Variants in GMPS observed in about 807,000 individuals in gnomAD.
GMPS encodes the protein guanosine monophosphate synthase, also known as GMP synthase [glutamine-hydrolyzing].
A neutral mutation model predicts 77.9 loss-of-function variants in GMPS; 15 were observed. That is an observed-to-expected ratio of 0.19 (90% CI 0.13 to 0.30). GMPS has a LOEUF of 0.30. Ranked by LOEUF, GMPS falls within the 10% of genes least tolerant of loss-of-function variation. The pLI is 1.00. For synonymous variants in GMPS, 224 were observed against 275.9 expected, an observed-to-expected ratio of 0.81 and a Z score of 1.86; for missense variants, 590 against 838.8, an observed-to-expected ratio of 0.70 and a Z score of 3.66.
chr3:155,889,341 G>C (rs1021392438), intron 1 of GMPS, among the ~76,000 whole-genome samples: 2 of 152,112 alleles, frequency 1.3e-5, no homozygotes, highest in Non-Finnish European at 2.9e-5. Context: ...TTAGTGTCAA[G>C]GGTTCATGGG....
At chr3:155,904,037 A>G in intron 4 of GMPS, 77 bp downstream of exon 4, 1 of 632,594 alleles carries the variant, frequency 1.6e-6, no homozygotes. Context: ...TAACAATTGG[A>G]GATTCTATAA....
chr3:155,924,462 T>C (rs554994348), intron 11 of GMPS, among the ~76,000 whole-genome samples: 1 of 152,312 alleles, frequency 6.6e-6, no homozygotes, highest in Non-Finnish European at 1.5e-5. Flanking sequence ...AAGATGTCTG[T>C]GTTATTTGCC....
chr3:155,870,960 C>G lies in GMPS; in HGVS notation c.27+63C>G. ...GAGGCGAGGCTCCCGGACCGGGGAG[C>G]CACCCCGCGAGGCCCTTCCCCACCC... On this transcript the variant is annotated intron_variant, in intron 1 of 15. Coordinates refer to ENST00000496455, the MANE Select transcript of GMPS (RefSeq NM_003875.3). The G allele has an allele frequency of 3.6e-6, 5 of 1,380,236 alleles. No homozygotes were observed. In the South Asian group the frequency reaches 6.3e-5, roughly 18 times the overall value. 85.5% of individuals were successfully genotyped at this position (1,380,236 alleles called of 1,614,324 possible).
At chr3:155,901,893 GACTTGTCTCTTC>G (rs1754746041) in intron 3 of GMPS, among the ~76,000 whole-genome samples, 2 of 152,170 alleles carry the variant, frequency 1.3e-5, no homozygotes, top group Middle Eastern at 3.4e-3. Flanking sequence ...TCTGGATTGT[GACTTGTCTCTTC>G]ACTCTTTATG....
At chr3:155,895,999 T>C (rs1179839652) in intron 2 of GMPS, among the ~76,000 whole-genome samples, 3 of 151,760 alleles carry the variant, frequency 2.0e-5, no homozygotes, top group African/African-American at 7.3e-5. Context: ...CTTCTGTTTT[T>C]TTTGTTTTTG....
chr3:155,899,002 G>C (rs181491515), intron 3 of GMPS, among the ~76,000 whole-genome samples: 1 of 152,074 alleles, frequency 6.6e-6, no homozygotes, highest in Non-Finnish European at 1.5e-5. Flanking sequence ...AGGCCGAGGC[G>C]GGTGGATCAC....
chr3:155,904,193 A>G (rs1170189246), intron 4 of GMPS, among the ~76,000 whole-genome samples: 1 of 152,204 alleles, frequency 6.6e-6, no homozygotes, highest in Non-Finnish European at 1.5e-5. Flanking sequence ...ACGCCTGTGC[A>G]GTTGTGGAAC....
chr3:155,932,840 G>T (rs2108146724), intron 13 of GMPS, among the ~76,000 whole-genome samples: 1 of 152,300 alleles, frequency 6.6e-6, no homozygotes, highest in South Asian at 2.1e-4. Context: ...CAAATGAACT[G>T]AAAACCGTCA....
chr3:155,934,567 C>CTTT (rs1380481516), intron 13 of GMPS, among the ~76,000 whole-genome samples: 2 of 152,108 alleles, frequency 1.3e-5, no homozygotes, highest in African/African-American at 4.8e-5. Flanking sequence ...TGCAAAGACC[C>CTTT]TTTTTCTCCC....
intron 2 of GMPS, among the ~76,000 whole-genome samples, chr3:155,894,407 A>G (rs560342076): frequency 3.9e-5 from 6 of 152,226 alleles, no homozygotes; most frequent in African/African-American, 1.4e-4. Context: ...TATTTTTAGT[A>G]CAGAACGGGT....
rs1755918961 is a variant in GMPS at position 155,942,586 on chromosome 3, A to G, written c.*4894A>G. 3 of 228,582 alleles carry G rather than the reference A, an allele frequency of 1.3e-5. No individual in the cohort carries two copies. The highest frequency in any genetic ancestry group is 1.8e-4 in the South Asian group (1 of 5,488). 14.2% of individuals were successfully genotyped at this position (228,582 alleles called of 1,614,324 possible). On this transcript the variant is annotated 3_prime_UTR_variant, in exon 16 of 16. Coordinates refer to ENST00000496455, the MANE Select transcript of GMPS (RefSeq NM_003875.3). ...CCAGATTCTGGAACTGATTGCACCT[A>G]TATTATGTTGTGTGTCAGACACTCC...
At chr3:155,929,986 A>C (rs1203297634) in intron 12 of GMPS, among the ~76,000 whole-genome samples, 2 of 149,568 alleles carry the variant, frequency 1.3e-5, no homozygotes, top group East Asian at 4.1e-4. Flanking sequence ...GCTACCAATG[A>C]CTTTCTTCAC....
chr3:155,916,290 TCAC>T, intron 9 of GMPS, 98 bp downstream of exon 9: 2 of 764,836 alleles, frequency 2.6e-6, no homozygotes, highest in Admixed American at 2.4e-5. Flanking sequence ...TGCATAACCA[TCAC>T]CACATCTAAT....
At chr3:155,928,683 C>G (rs1396677561) in intron 12 of GMPS, among the ~76,000 whole-genome samples, 1 of 106,194 alleles carries the variant, frequency 9.4e-6, no homozygotes, top group Non-Finnish European at 1.8e-5. Flanking sequence ...CTATCCCTCC[C>G]CCCTCCCCCC....
upstream of GMPS, chr3:155,870,597 C>A (rs1351564555): frequency 1.2e-5 from 5 of 402,778 alleles, no homozygotes; most frequent in Non-Finnish European, 1.8e-5. Flanking sequence ...CCAAGCCGAA[C>A]GGGCTCTGGC....
At chr3:155,926,819 G>T (rs1399403804) in intron 12 of GMPS, among the ~76,000 whole-genome samples, 2 of 152,144 alleles carry the variant, frequency 1.3e-5, no homozygotes, top group Non-Finnish European at 2.9e-5. Flanking sequence ...GAGGTTGGAA[G>T]TTCAAGAGCA....
chr3:155,871,424 G>A (rs557278447), intron 1 of GMPS, among the ~76,000 whole-genome samples: 1 of 152,122 alleles, frequency 6.6e-6, no homozygotes, highest in Non-Finnish European at 1.5e-5. Flanking sequence ...GCCTGCCCTC[G>A]GCGAGGCCCG....
chr3:155,906,355 C>T, intron 5 of GMPS, 92 bp downstream of exon 5: 4 of 613,816 alleles, frequency 6.5e-6, no homozygotes, highest in Non-Finnish European at 1.1e-5. Context: ...TTTGATTTTT[C>T]CTTTTTCTTC....
intron 13 of GMPS, among the ~76,000 whole-genome samples, chr3:155,933,400 G>T (rs1755678439): frequency 6.6e-6 from 1 of 152,104 alleles, no homozygotes; most frequent in Admixed American, 6.6e-5. Flanking sequence ...GTACACTCTA[G>T]TGATTACTTT....
Sources: gnomAD v4.1 joint callset for allele counts (sites outside exome capture counted in the v4.1 genomes callset) on GRCh38, gnomAD v4.1.1 for gene constraint, MANE v1.5 for transcripts, NCBI Gene and HGNC (gene_info 2026-07-23, HGNC 2026-07-21) for gene names.